The following AKAP13 variants were observed in gnomAD, a reference collection of about 807,000 sequenced individuals.
The protein encoded by AKAP13 is A-kinase anchor protein 13.
In AKAP13, 80 loss-of-function variants were observed where a neutral mutation model predicts 264.5. The observed-to-expected ratio is 0.30, with a 90% CI of 0.25 to 0.36. The LOEUF is 0.36. Among genes scored for constraint, AKAP13 ranks in the 10% least tolerant of loss-of-function variants. The pLI, the probability that AKAP13 is intolerant of heterozygous loss-of-function variation, is 1.00. For missense variants in AKAP13, 3,712 were observed against 3,435.2 expected (o/e 1.08, Z -2.01); for synonymous variants, 1,380 against 1,250.2 (o/e 1.10, Z -2.19).
At chr15:85,426,408 G>A (rs1194011715) in intron 1 of AKAP13, among the ~76,000 whole-genome samples, 1 of 152,174 alleles carries the variant, frequency 6.6e-6, no homozygotes, top group Non-Finnish European at 1.5e-5. Flanking sequence ...ACAAAAATAG[G>A]TAGAAATCTA....
chr15:85,517,008 T>G (rs558764163), intron 2 of AKAP13, among the ~76,000 whole-genome samples: 1 of 152,368 alleles, frequency 6.6e-6, no homozygotes, highest in Admixed American at 6.5e-5. Context: ...CTATATCATG[T>G]AATTTTTAAT....
intron 2 of AKAP13, among the ~76,000 whole-genome samples, chr15:85,513,982 C>G (rs1047203034): frequency 7.3e-6 from 1 of 137,902 alleles, no homozygotes; most frequent in Admixed American, 7.3e-5. Flanking sequence ...TTAACCTGTT[C>G]AGTGTATTGG....
chr15:85,470,943 A>G (rs527392142), intron 1 of AKAP13, among the ~76,000 whole-genome samples: 7 of 152,154 alleles, frequency 4.6e-5, no homozygotes, highest in Admixed American at 3.3e-4. Context: ...CTTATTATCT[A>G]TTCACTTTGT....
intron 10 of AKAP13, among the ~76,000 whole-genome samples, chr15:85,654,446 A>G (rs760614175): frequency 6.6e-6 from 1 of 152,238 alleles, no homozygotes; most frequent in Non-Finnish European, 1.5e-5. Context: ...TTCATATACA[A>G]AAAACCCAGA....
At chr15:85,495,572 T>A (rs1479894087) in intron 2 of AKAP13, among the ~76,000 whole-genome samples, 1 of 152,206 alleles carries the variant, frequency 6.6e-6, no homozygotes, top group Non-Finnish European at 1.5e-5. Context: ...TTTTTGCCCC[T>A]GCAAATTAAA....
chr15:85,627,066 A>G (rs758128135), intron 8 of AKAP13, among the ~76,000 whole-genome samples: 10 of 152,236 alleles, frequency 6.6e-5, no homozygotes, highest in Middle Eastern at 3.4e-3. Context: ...AAACCACCCC[A>G]TCTGCGAATA....
intron 1 of AKAP13, among the ~76,000 whole-genome samples, chr15:85,420,921 A>C (rs2072492228): frequency 6.7e-6 from 1 of 148,928 alleles, no homozygotes; most frequent in South Asian, 2.1e-4. Flanking sequence ...GTGTCTCTCT[A>C]AAAAAAAAAT....
chr15:85,463,982 C>G (rs1414412670), intron 1 of AKAP13, among the ~76,000 whole-genome samples: 2 of 152,044 alleles, frequency 1.3e-5, no homozygotes, highest in Non-Finnish European at 2.9e-5. Flanking sequence ...GTATGTACTG[C>G]GGAAGCCATA....
intron 8 of AKAP13, among the ~76,000 whole-genome samples, chr15:85,626,794 TTTAA>T (rs2081429912): frequency 6.6e-6 from 1 of 151,374 alleles, no homozygotes; most frequent in Non-Finnish European, 1.5e-5. Flanking sequence ...TAATTGTATG[TTTAA>T]TTTTTTTTTT....
intron 1 of AKAP13, among the ~76,000 whole-genome samples, chr15:85,403,871 C>T (rs577712531): frequency 5.3e-5 from 8 of 150,100 alleles, no homozygotes; most frequent in Admixed American, 2.7e-4. Context: ...AAAAATCTGA[C>T]GTGAAATGCT....
At chr15:85,441,853 G>T (rs2073666379) in intron 1 of AKAP13, among the ~76,000 whole-genome samples, 1 of 152,072 alleles carries the variant, frequency 6.6e-6, no homozygotes, top group Admixed American at 6.5e-5. Context: ...GACTGAATTG[G>T]GAGAAGAGGG....
intron 2 of AKAP13, among the ~76,000 whole-genome samples, chr15:85,504,593 G>C (rs943338634): frequency 3.4e-5 from 5 of 147,464 alleles, no homozygotes; most frequent in African/African-American, 5.1e-5. Context: ...TTGGGAGGCT[G>C]AGACAGGAGG....
intron 23 of AKAP13, among the ~76,000 whole-genome samples, chr15:85,721,635 A>C (rs2066016483): frequency 6.6e-6 from 1 of 151,402 alleles, no homozygotes; most frequent in African/African-American, 2.4e-5. Context: ...CTCATGAAAA[A>C]CTCCTAGTGA....
At chr15:85,496,923 A>G (rs1339872739) in intron 2 of AKAP13, among the ~76,000 whole-genome samples, 3 of 145,422 alleles carry the variant, frequency 2.1e-5, no homozygotes, top group African/African-American at 7.6e-5. Flanking sequence ...TGGACTTTTT[A>G]ATCAGTTTCC....
intron 1 of AKAP13, among the ~76,000 whole-genome samples, chr15:85,475,776 T>C (rs2075140242): frequency 6.6e-6 from 1 of 152,230 alleles, no homozygotes; most frequent in Admixed American, 6.5e-5. Context: ...GAGTTGATTT[T>C]TGTACTTATA....
intron 1 of AKAP13, among the ~76,000 whole-genome samples, chr15:85,431,206 A>G (rs976668342): frequency 1.3e-5 from 2 of 152,216 alleles, no homozygotes; most frequent in Non-Finnish European, 2.9e-5. Context: ...ACATTATAAC[A>G]TTGTTTAGAA....
chr15:85,513,832 C>T (rs1206596013), intron 2 of AKAP13, among the ~76,000 whole-genome samples: 2 of 88,582 alleles, frequency 2.3e-5, no homozygotes, highest in African/African-American at 1.1e-4. Flanking sequence ...GACTGTTTCT[C>T]ATTGTCCGAC....
At chr15:85,578,836 A>G in intron 6 of AKAP13, 94 bp from the exon 7 acceptor site, 1 of 1,145,846 alleles carries the variant, frequency 8.7e-7, no homozygotes, top group Non-Finnish European at 1.3e-6. Context: ...CTAGAATAGA[A>G]GTGAGTTCTG....
chr15:85,390,411 G>A (rs1001333474), intron 1 of AKAP13, among the ~76,000 whole-genome samples: 2 of 152,188 alleles, frequency 1.3e-5, no homozygotes, highest in African/African-American at 4.8e-5. Context: ...GGAACATCAA[G>A]TGCAAAGGAC....
Sources: gnomAD v4.1 joint callset for allele counts (sites outside exome capture counted in the v4.1 genomes callset) on GRCh38, gnomAD v4.1.1 for gene constraint, MANE v1.5 for transcripts, NCBI Gene and HGNC (gene_info 2026-07-23, HGNC 2026-07-21) for gene names.